Variants in KIAA0319 observed in about 807,000 individuals in gnomAD.
KIAA0319 encodes the protein KIAA0319.
Under a neutral mutation model 108.4 loss-of-function variants are expected in KIAA0319, and 83 were observed. That is an observed-to-expected ratio of 0.77 (90% CI 0.64 to 0.92). The LOEUF (loss-of-function observed/expected upper bound fraction) is 0.92. Ranked by LOEUF, KIAA0319 falls within the 40% of genes least tolerant of loss-of-function variation. KIAA0319 has a pLI of 0.00. For synonymous variants in KIAA0319, 484 were observed against 510.4 expected, an observed-to-expected ratio of 0.95 and a Z score of 0.70; for missense variants, 1,195 against 1,322.4, an observed-to-expected ratio of 0.90 and a Z score of 1.49.
intron 8 of KIAA0319, among the ~76,000 whole-genome samples, chr6:24,579,410 A>T (rs868574916): frequency 1.1e-3 from 95 of 87,912 alleles, no homozygotes; most frequent in African/African-American, 3.5e-3. Context: ...CCTCTATATA[A>T]AGATATATAT....
chr6:24,583,581 A>T, intron 5 of KIAA0319, 23 bp downstream of exon 5: 1 of 1,527,652 alleles, frequency 6.5e-7, no homozygotes, highest in Non-Finnish European at 9.1e-7. Flanking sequence ...CCTAGTGGTC[A>T]GGGAGGAAGG....
At position 24,556,647 on chromosome 6, in the gene KIAA0319, G is replaced by T. The variant is rs758110457; in HGVS notation, c.2817C>A (p.Asn939Lys). The T allele has an allele frequency of 2.5e-6, 4 of 1,614,022 alleles. No homozygotes were observed. Among genetic ancestry groups the T allele is most frequent in the Non-Finnish European group, 1.7e-6 (2 of 1,179,964 alleles). ...RCICSHLWME[N>K]LIQRYIWDGE... is the part of the protein sequence containing the mutation. ...CATCCCAGATATAACGCTGTATAAG[G>T]TTCTCCATCCATAAGTGAGAGCAAA... The change falls in exon 18 of 21, where the codon AAC becomes AAA. Residue 939 changes from asparagine to lysine, a missense_variant. Transcript: ENST00000378214.
At chr6:24,569,003 C>T in intron 12 of KIAA0319, 74 bp from the exon 13 acceptor site, 1 of 1,461,282 alleles carries the variant, frequency 6.8e-7, no homozygotes, top group Middle Eastern at 1.8e-4. Context: ...GCGATTTGTG[C>T]TCTTATAAAT....
intron 3 of KIAA0319, among the ~76,000 whole-genome samples, chr6:24,592,959 G>A (rs1010444318): frequency 2.5e-4 from 38 of 151,660 alleles, no homozygotes; most frequent in African/African-American, 8.5e-4. Flanking sequence ...GTGACAAAGT[G>A]AGACCCTGTC....
chr6:24,554,997 C>G (rs946839060), intron 18 of KIAA0319, among the ~76,000 whole-genome samples: 1 of 152,142 alleles, frequency 6.6e-6, no homozygotes, highest in African/African-American at 2.4e-5. Context: ...AAATCACAAC[C>G]CCTACCCCTG....
intron 14 of KIAA0319, among the ~76,000 whole-genome samples, chr6:24,565,372 CA>C (rs567730946): frequency 3.8e-4 from 53 of 140,678 alleles, no homozygotes; most frequent in African/African-American, 9.2e-4. Flanking sequence ...GACGTACATA[CA>C]TTTATGTCCT....
chr6:24,566,521 T>A, intron 14 of KIAA0319, 76 bp downstream of exon 14: 1 of 1,300,926 alleles, frequency 7.7e-7, no homozygotes, highest in Non-Finnish European at 1.1e-6. Flanking sequence ...TACCGTGATA[T>A]ATTGTTTGCA....
chr6:24,575,899 G>A (rs1765422171), intron 10 of KIAA0319, among the ~76,000 whole-genome samples: 1 of 152,058 alleles, frequency 6.6e-6, no homozygotes, highest in East Asian at 1.9e-4. Flanking sequence ...TATGTTGTTA[G>A]ACAAATATAT....
At chr6:24,629,543 C>T (rs556051041) in intron 1 of KIAA0319, among the ~76,000 whole-genome samples, 1 of 136,854 alleles carries the variant, frequency 7.3e-6, no homozygotes, top group Non-Finnish European at 1.6e-5. Context: ...AAAGAAAACT[C>T]AGAATACATG....
intron 14 of KIAA0319, among the ~76,000 whole-genome samples, chr6:24,566,162 G>A (rs1385843927): frequency 1.3e-5 from 2 of 152,192 alleles, no homozygotes; most frequent in Non-Finnish European, 2.9e-5. Flanking sequence ...CACTGCCGTG[G>A]ACCGAACTGT....
chr6:24,601,846 T>C (rs1362690812), intron 1 of KIAA0319, among the ~76,000 whole-genome samples: 3 of 152,220 alleles, frequency 2.0e-5, no homozygotes, highest in Admixed American at 6.5e-5. Context: ...GTCTGACTTA[T>C]AGCAGGCTGG....
At position 24,548,078 on chromosome 6, in the gene KIAA0319, A is replaced by T. The variant is rs75825513; in HGVS notation, c.3041-735T>A. On this transcript the variant is annotated intron_variant, in intron 20 of 20. Coordinates refer to ENST00000378214, the MANE Select transcript of KIAA0319 (RefSeq NM_014809.4). ...GACATAAAAGGCATAGACTCATGAG[A>T]AGATGGCTCATAACAGGTTAGATGT... Among the ~76,000 whole-genome samples, 78 of 152,328 alleles carry T rather than the reference A, an allele frequency of 5.1e-4. No individual in the cohort carries two copies. The East Asian group carries it at 8.5e-3, about 17-fold the overall frequency.
Position 24,596,882 on chromosome 6 carries a change from C to A in KIAA0319, c.56-264G>T, listed in dbSNP as rs576357895. 2.0e-5 allele frequency among the ~76,000 whole-genome samples: 3 copies of A among 152,228 alleles called. No individual in the cohort carries two copies. In the South Asian group the frequency reaches 6.2e-4, roughly 32 times the overall value. On this transcript the variant is annotated intron_variant, in intron 2 of 20. Transcript: ENST00000378214. ...ACCCGTCTTTCCTCCTATCTTTCCACCTTTCTACCCATCCATCTATCCATC... is the reference window on the plus strand; with the variant it reads ...ACCCGTCTTTCCTCCTATCTTTCCAACTTTCTACCCATCCATCTATCCATC...
chr6:24,610,264 T>G (rs1289490012), intron 1 of KIAA0319, among the ~76,000 whole-genome samples: 3 of 152,084 alleles, frequency 2.0e-5, no homozygotes, highest in Non-Finnish European at 4.4e-5. Context: ...ATTTTAAATA[T>G]GAACAAGAAC....
Position 24,601,039 on chromosome 6 carries a change from A to C in KIAA0319, c.55+10T>G. ...CCAACACGGGTATCTCCAGGGTAGT[A>C]GTTCCCTACCTGCAATTGTCACCAG... On this transcript the variant is annotated intron_variant, in intron 2 of 20. Coordinates refer to ENST00000378214, the MANE Select transcript of KIAA0319 (RefSeq NM_014809.4). 1 of 1,613,962 alleles carries C rather than the reference A, an allele frequency of 6.2e-7. No homozygotes were observed. The highest frequency in any genetic ancestry group is 1.3e-5 in the African/African-American group (1 of 75,002).
intron 1 of KIAA0319, among the ~76,000 whole-genome samples, chr6:24,631,230 T>A (rs941057640): frequency 2.0e-5 from 3 of 152,222 alleles, no homozygotes; most frequent in Non-Finnish European, 4.4e-5. Flanking sequence ...AGCCACTACT[T>A]TGACAAAACC....
chr6:24,589,505 A>G (rs1223914113), intron 3 of KIAA0319, among the ~76,000 whole-genome samples: 1 of 152,082 alleles, frequency 6.6e-6, no homozygotes, highest in Non-Finnish European at 1.5e-5. Flanking sequence ...AGGTAACTGG[A>G]TCATGGGACG....
chr6:24,543,207 A>C (rs796893269), downstream of KIAA0319, among the ~76,000 whole-genome samples: 74 of 152,344 alleles, frequency 4.9e-4, no homozygotes, highest in African/African-American at 1.6e-3. Flanking sequence ...TTGAGGGGAA[A>C]GCTCCATACA....
rs369233299 is a variant in KIAA0319 at position 24,578,294 on chromosome 6, T to A, written c.1373-52A>T. 2.3e-4 allele frequency: 311 copies of A among 1,371,914 alleles called. 3 individuals carry two copies. The African/African-American group carries it at 4.3e-3, about 19-fold the overall frequency. The allele number at this position is 1,371,914 out of a possible 1,614,324, so 85.0% of individuals were successfully genotyped here. On this transcript the variant is annotated intron_variant, in intron 8 of 20. Coordinates refer to ENST00000378214, the MANE Select transcript of KIAA0319 (RefSeq NM_014809.4). The stretch of plus-strand genomic sequence containing the variant: ...AATGAAATACAAGAAGAGGAAGACA[T>A]AAGTTTTATACTTTAATTATTGCAT...
Sources: allele counts gnomAD v4.1 joint callset (sites outside exome capture counted in the v4.1 genomes callset), GRCh38; gene constraint gnomAD v4.1.1; transcripts MANE v1.5; gene names NCBI Gene and HGNC (gene_info 2026-07-23, HGNC 2026-07-21).